Variants in CACNA2D3 observed in about 807,000 individuals in gnomAD.
CACNA2D3 encodes calcium voltage-gated channel auxiliary subunit alpha2delta 3.
In CACNA2D3, 60 loss-of-function variants were observed where a neutral mutation model predicts 160.6. The ratio of observed to expected loss-of-function variants is 0.37; its 90% CI spans 0.30 to 0.46. The LOEUF (loss-of-function observed/expected upper bound fraction) is 0.46. Among genes scored for constraint, CACNA2D3 ranks in the 20% least tolerant of loss-of-function variants. The probability of loss-of-function intolerance (pLI) is 1.00; values close to 1 mark genes in which losing one functional copy is unlikely to be tolerated. For synonymous variants in CACNA2D3, 558 were observed against 492.9 expected, an observed-to-expected ratio of 1.13 and a Z score of -1.75; for missense variants, 1,205 against 1,365.0, an observed-to-expected ratio of 0.88 and a Z score of 1.85.
At chr3:54,437,952 T>C (rs1391450366) in intron 4 of CACNA2D3, among the ~76,000 whole-genome samples, 1 of 152,164 alleles carries the variant, frequency 6.6e-6, no homozygotes, top group East Asian at 1.9e-4. Flanking sequence ...AGCAGTTCTT[T>C]GATGAGGTAG....
chr3:54,171,748 G>A (rs537356418), intron 2 of CACNA2D3, among the ~76,000 whole-genome samples: 8 of 152,242 alleles, frequency 5.3e-5, no homozygotes, highest in African/African-American at 1.9e-4. Context: ...GGCTCTAATG[G>A]CATGCCACTT....
chr3:54,572,008 G>C (rs1198487055), intron 8 of CACNA2D3, among the ~76,000 whole-genome samples: 1 of 152,140 alleles, frequency 6.6e-6, no homozygotes, highest in Non-Finnish European at 1.5e-5. Flanking sequence ...GCTGTGGTCT[G>C]CATGGCTCCC....
intron 11 of CACNA2D3, among the ~76,000 whole-genome samples, chr3:54,717,693 CGTGT>C (rs1299816374): frequency 6.6e-5 from 7 of 106,848 alleles, no homozygotes; most frequent in Non-Finnish European, 1.3e-4. Context: ...TGTGTGCGTG[CGTGT>C]GTGTGGTGTG....
intron 27 of CACNA2D3, among the ~76,000 whole-genome samples, chr3:54,940,806 T>G (rs1701447202): frequency 6.6e-6 from 1 of 152,196 alleles, no homozygotes; most frequent in South Asian, 2.1e-4. Flanking sequence ...TGGTGGAATT[T>G]TTCTGAAACC....
chr3:54,469,128 T>C (rs113645433), intron 4 of CACNA2D3, among the ~76,000 whole-genome samples: 141 of 152,226 alleles, frequency 9.3e-4, no homozygotes, highest in African/African-American at 3.2e-3. Flanking sequence ...TTCCCCCTGA[T>C]TGGGAGACAC....
At position 54,495,113 on chromosome 3, in the gene CACNA2D3, A is replaced by G. The variant is rs76924792; in HGVS notation, c.382-8379A>G. Among the ~76,000 whole-genome samples, 547 of 152,368 alleles carry G rather than the reference A, an allele frequency of 3.6e-3. 7 individuals are homozygous for G. The highest frequency in any genetic ancestry group is 0.012 in the African/African-American group (516 of 41,592). On this transcript the variant is annotated intron_variant, in intron 4 of 37. Transcript: ENST00000474759. Reference sequence around the variant, plus strand: ...ACTGCTTAAGAGAAGGGGTCCTTCCAATTGGCATTGAGCGGTTCATGGGCT... The same window carrying G: ...ACTGCTTAAGAGAAGGGGTCCTTCCGATTGGCATTGAGCGGTTCATGGGCT...
At chr3:54,429,343 G>A (rs1413066779) in intron 4 of CACNA2D3, among the ~76,000 whole-genome samples, 1 of 152,092 alleles carries the variant, frequency 6.6e-6, no homozygotes, top group Non-Finnish European at 1.5e-5. Flanking sequence ...ATATTATAAT[G>A]GCAAGCAGTT....
In CACNA2D3 at chr3:54,481,611, G is replaced by A. The variant is rs143148871; in HGVS notation, c.382-21881G>A. Among the ~76,000 whole-genome samples, 252 of 152,246 alleles carry A rather than the reference G, an allele frequency of 1.7e-3. 3 individuals are homozygous for A. The highest frequency in any genetic ancestry group is 5.7e-3 in the African/African-American group (236 of 41,534). ...ACATCTTTTTCCAAAAAGTGTACACGGCCTTCATTCTCCAGAGCGGTTGAA... is the reference window on the plus strand; with the variant it reads ...ACATCTTTTTCCAAAAAGTGTACACAGCCTTCATTCTCCAGAGCGGTTGAA... On this transcript the variant is annotated intron_variant, in intron 4 of 37. Transcript: ENST00000474759.
At chr3:54,866,493 T>C (rs1206451336) in intron 17 of CACNA2D3, among the ~76,000 whole-genome samples, 2 of 152,142 alleles carry the variant, frequency 1.3e-5, no homozygotes, top group South Asian at 2.1e-4. Context: ...GCATTAGCTT[T>C]GGGCAAAGTT....
intron 36 of CACNA2D3, 80 bp downstream of exon 36, chr3:55,073,637 A>ATAT: frequency 1.5e-6 from 2 of 1,306,128 alleles, no homozygotes; most frequent in Non-Finnish European, 2.2e-6. Context: ...TGGGGGAGAA[A>ATAT]TATTAGAGAA....
At chr3:54,684,531 T>A (rs1471321008) in intron 11 of CACNA2D3, among the ~76,000 whole-genome samples, 1 of 152,178 alleles carries the variant, frequency 6.6e-6, no homozygotes, top group African/African-American at 2.4e-5. Flanking sequence ...TGCTGTGTCT[T>A]CTCCTGAGTG....
At position 54,309,915 on chromosome 3, in the gene CACNA2D3, C is replaced by A. The variant is rs77185020; in HGVS notation, c.205-10527C>A. ...TAGGGGCTGAGCCACTCCCTGCATC[C>A]TCTCTGCTTCCTCTCTGCTTGCAGT... On this transcript the variant is annotated intron_variant, in intron 2 of 37. Transcript: ENST00000474759. 7.2e-5 allele frequency among the ~76,000 whole-genome samples: 11 copies of A among 152,020 alleles called. No individual in the cohort carries two copies. The East Asian group carries it at 2.2e-3, about 30-fold the overall frequency.
At chr3:54,685,910 G>C in intron 11 of CACNA2D3, among the ~76,000 whole-genome samples, 1 of 152,192 alleles carries the variant, frequency 6.6e-6, no homozygotes, top group East Asian at 1.9e-4. Flanking sequence ...CTTGTAGACT[G>C]TGGGGTGCTC....
chr3:54,460,542 GA>G (rs1014325238), intron 4 of CACNA2D3, among the ~76,000 whole-genome samples: 3 of 152,194 alleles, frequency 2.0e-5, no homozygotes, highest in Non-Finnish European at 4.4e-5. Context: ...AAGCAATTGT[GA>G]ATGGGAGTTC....
At chr3:55,052,141 A>G (rs1050257079) in intron 35 of CACNA2D3, among the ~76,000 whole-genome samples, 2 of 152,030 alleles carry the variant, frequency 1.3e-5, no homozygotes, top group Admixed American at 6.6e-5. Flanking sequence ...CACACTTTTC[A>G]TTAAATTCAA....
chr3:54,542,765 T>A (rs1559508607), intron 5 of CACNA2D3, among the ~76,000 whole-genome samples: 1 of 152,060 alleles, frequency 6.6e-6, no homozygotes, highest in Non-Finnish European at 1.5e-5. Context: ...GCCCACTGAC[T>A]CAAAATGTTC....
chr3:55,073,742 G>A, intron 36 of CACNA2D3, 35 bp from the exon 37 acceptor site: 1 of 1,567,374 alleles, frequency 6.4e-7, no homozygotes, highest in South Asian at 1.1e-5. Flanking sequence ...GTAGAAAAAA[G>A]CAATCCTTGG....
intron 35 of CACNA2D3, among the ~76,000 whole-genome samples, chr3:55,033,689 ACCC>A (rs1703728658): frequency 3.1e-5 from 2 of 64,050 alleles, no homozygotes; most frequent in Admixed American, 2.0e-4. Context: ...GTGTATATAT[ACCC>A]TTAAAAAATA....
intron 3 of CACNA2D3, among the ~76,000 whole-genome samples, chr3:54,375,223 G>T (rs1355493023): frequency 6.6e-6 from 1 of 152,170 alleles, no homozygotes; most frequent in Non-Finnish European, 1.5e-5. Context: ...CCTTTATCAT[G>T]TTGTGTTGCA....
Sources: allele counts gnomAD v4.1 joint callset (sites outside exome capture counted in the v4.1 genomes callset), GRCh38; gene constraint gnomAD v4.1.1; transcripts MANE v1.5; gene names NCBI Gene and HGNC (gene_info 2026-07-23, HGNC 2026-07-21).